The following CNTNAP5 variants were observed in gnomAD, a reference collection of about 807,000 sequenced individuals.
CNTNAP5 encodes the protein contactin-associated protein-like 5.
CNTNAP5 carries 72 observed loss-of-function variants against 150.2 expected under a neutral mutation model. The ratio of observed to expected loss-of-function variants is 0.48; its 90% CI spans 0.40 to 0.58. CNTNAP5 has a LOEUF of 0.58. CNTNAP5 is among the 20% of genes least tolerant of loss of function. CNTNAP5 has a pLI of 0.00. For missense variants in CNTNAP5, 1,636 were observed against 1,626.2 expected, an observed-to-expected ratio of 1.01 and a Z score of -0.10; for synonymous variants, 672 against 619.8, an observed-to-expected ratio of 1.08 and a Z score of -1.25.
chr2:124,666,192 A>G (rs538706778), intron 13 of CNTNAP5, among the ~76,000 whole-genome samples: 1 of 152,258 alleles, frequency 6.6e-6, no homozygotes, highest in South Asian at 2.1e-4. Context: ...CAATCCATGG[A>G]AAGTATACAT....
At chr2:124,660,957 A>AT (rs1678575727) in intron 13 of CNTNAP5, among the ~76,000 whole-genome samples, 1 of 151,160 alleles carries the variant, frequency 6.6e-6, no homozygotes, top group Non-Finnish European at 1.5e-5. Flanking sequence ...AAAAAAAAAA[A>AT]AAAAAGAAAA....
chr2:124,451,660 CA>C (rs1692984789), intron 6 of CNTNAP5, among the ~76,000 whole-genome samples: 1 of 152,024 alleles, frequency 6.6e-6, no homozygotes, highest in African/African-American at 2.4e-5. Context: ...ACAGACCCTC[CA>C]AAAGAAGCAG....
intron 1 of CNTNAP5, among the ~76,000 whole-genome samples, chr2:124,123,044 G>A (rs936610723): frequency 4.7e-4 from 72 of 151,972 alleles, no homozygotes; most frequent in African/African-American, 2.7e-4. Context: ...CTGAGGTACC[G>A]GGTTCATCTC....
chr2:124,727,964 T>C (rs183228703), intron 13 of CNTNAP5, among the ~76,000 whole-genome samples: 2 of 152,174 alleles, frequency 1.3e-5, no homozygotes, highest in African/African-American at 2.4e-5. Flanking sequence ...ACCTTTATTG[T>C]ATTGAGGTAC....
intron 3 of CNTNAP5, among the ~76,000 whole-genome samples, chr2:124,382,693 T>A (rs1021238914): frequency 6.6e-6 from 1 of 152,146 alleles, no homozygotes; most frequent in Non-Finnish European, 1.5e-5. Context: ...AAGAACTAAA[T>A]ATCTATATGA....
At chr2:124,567,813 T>C (rs985324728) in intron 11 of CNTNAP5, among the ~76,000 whole-genome samples, 7 of 150,446 alleles carry the variant, frequency 4.7e-5, no homozygotes, top group Non-Finnish European at 1.0e-4. Flanking sequence ...AGGTTTTTGA[T>C]TGTGGGATAT....
intron 1 of CNTNAP5, among the ~76,000 whole-genome samples, chr2:124,112,844 C>T (rs569634931): frequency 6.6e-6 from 1 of 152,054 alleles, no homozygotes; most frequent in South Asian, 2.1e-4. Context: ...TGTTTCATTT[C>T]TTGTGTATAA....
rs557205916 is a variant in CNTNAP5 at position 124,906,684 on chromosome 2, T to C, written c.3655+3584T>C. 2.0e-5 allele frequency among the ~76,000 whole-genome samples: 3 copies of C among 152,322 alleles called. No individual in the cohort carries two copies. In the East Asian group the frequency reaches 5.8e-4, roughly 29 times the overall value. On this transcript the variant is annotated intron_variant, in intron 22 of 23. Coordinates refer to ENST00000682447, the MANE Select transcript of CNTNAP5 (RefSeq NM_001367498.1). ...TTAGCCTGAGATCTGTAGTGCCCAGTCCAATATTTTGTAAAAATTGAGAAA... is the reference window on the plus strand; with the variant it reads ...TTAGCCTGAGATCTGTAGTGCCCAGCCCAATATTTTGTAAAAATTGAGAAA...
intron 17 of CNTNAP5, among the ~76,000 whole-genome samples, chr2:124,781,949 C>CCAAT (rs576546115): frequency 5.5e-4 from 84 of 152,242 alleles, no homozygotes; most frequent in African/African-American, 1.9e-3. Context: ...AAGGTCTTAC[C>CCAAT]CAATAATAAG....
chr2:124,078,393 T>C (rs551951646), intron 1 of CNTNAP5, among the ~76,000 whole-genome samples: 4 of 152,196 alleles, frequency 2.6e-5, no homozygotes, highest in African/African-American at 9.6e-5. Flanking sequence ...AAATAAAGCC[T>C]CAGAAAAAAT....
chr2:124,160,753 A>G (rs1341507765), intron 1 of CNTNAP5, among the ~76,000 whole-genome samples: 1 of 152,210 alleles, frequency 6.6e-6, no homozygotes, highest in Non-Finnish European at 1.5e-5. Flanking sequence ...CTTCTGCACA[A>G]GCAAACCCTG....
chr2:124,782,674 G>A (rs1182646371), intron 17 of CNTNAP5, among the ~76,000 whole-genome samples: 1 of 152,064 alleles, frequency 6.6e-6, no homozygotes, highest in African/African-American at 2.4e-5. Flanking sequence ...AGAAAAAAAA[G>A]CATCATTCTG....
At chr2:124,407,874 G>A (rs115416379) in intron 3 of CNTNAP5, among the ~76,000 whole-genome samples, 7,537 of 152,162 alleles carry the variant, frequency 0.05, 253 homozygotes, top group South Asian at 0.12. Flanking sequence ...ACTTCGGGAG[G>A]AGGAGCCAAG....
intron 17 of CNTNAP5, among the ~76,000 whole-genome samples, 190 bp from the exon 18 acceptor site, chr2:124,789,712 T>G (rs1681675477): frequency 6.6e-6 from 1 of 152,186 alleles, no homozygotes; most frequent in South Asian, 2.1e-4. Context: ...AGCTCCACCA[T>G]TGTTTCTAGG....
At chr2:124,176,022 C>T (rs754830770) in intron 1 of CNTNAP5, among the ~76,000 whole-genome samples, 2 of 152,184 alleles carry the variant, frequency 1.3e-5, no homozygotes, top group Non-Finnish European at 2.9e-5. Flanking sequence ...TGGAAACGAA[C>T]ACACTAGTTT....
intron 1 of CNTNAP5, among the ~76,000 whole-genome samples, chr2:124,123,829 T>A (rs1204772920): frequency 6.6e-6 from 1 of 152,188 alleles, no homozygotes; most frequent in African/African-American, 2.4e-5. Context: ...CCAACAGACC[T>A]GCAGCTGAGG....
At chr2:124,241,383 AT>A (rs138579622) in intron 2 of CNTNAP5, among the ~76,000 whole-genome samples, 1,765 of 151,980 alleles carry the variant, frequency 0.012, 32 homozygotes, top group African/African-American at 0.041. Context: ...GATTTTGTGT[AT>A]GTTGTTCCCT....
chr2:124,648,410 G>C (rs567391766), intron 13 of CNTNAP5, among the ~76,000 whole-genome samples: 1 of 152,100 alleles, frequency 6.6e-6, no homozygotes, highest in Non-Finnish European at 1.5e-5. Context: ...GATGCCTAAG[G>C]GGGCAGTGTT....
rs138046688 is a variant in CNTNAP5 at position 124,298,629 on chromosome 2, A to G, written c.381+56236A>G. Among the ~76,000 whole-genome samples the G allele has an allele frequency of 4.6e-3, 696 of 152,236 alleles. 4 individuals are homozygous for G. The highest frequency in any genetic ancestry group is 0.015 in the African/African-American group (613 of 41,536). On this transcript the variant is annotated intron_variant, in intron 3 of 23. Transcript: ENST00000682447. ...ACCTTATCTTGTCTCCTGCTAAATC[A>G]TGAAGGTTTGGGGAGTTTTTTCAGA... is the stretch of plus-strand genomic sequence containing the variant.
Sources: allele counts gnomAD v4.1 joint callset (sites outside exome capture counted in the v4.1 genomes callset), GRCh38; gene constraint gnomAD v4.1.1; transcripts MANE v1.5; gene names NCBI Gene and HGNC (gene_info 2026-07-23, HGNC 2026-07-21).